MDGA2: variants seen among roughly 807,000 people sequenced by gnomAD.
MDGA2 encodes MAM domain-containing glycosylphosphatidylinositol anchor protein 2.
A neutral mutation model predicts 117.8 loss-of-function variants in MDGA2; 40 were observed. The ratio of observed to expected loss-of-function variants is 0.34; its 90% CI spans 0.26 to 0.44. MDGA2 has a LOEUF of 0.44. Among genes scored for constraint, MDGA2 ranks in the 20% least tolerant of loss-of-function variants. MDGA2 has a pLI of 1.00. For synonymous variants in MDGA2, 452 were observed against 439.0 expected (o/e 1.03, Z -0.37); for missense variants, 1,123 against 1,250.6 (o/e 0.90, Z 1.54).
chr14:47,465,049 A>C (rs1387558436), intron 1 of MDGA2, among the ~76,000 whole-genome samples: 1 of 152,174 alleles, frequency 6.6e-6, no homozygotes, highest in Non-Finnish European at 1.5e-5. Flanking sequence ...ATAAGTCCAC[A>C]CACTTAGAAC....
In MDGA2 at chr14:47,150,330, T is replaced by C. The variant is rs1883113177; in HGVS notation, c.596-6056A>G. Among the ~76,000 whole-genome samples, 4 of 152,324 alleles carry C rather than the reference T, an allele frequency of 2.6e-5. No homozygotes were observed. In the South Asian group the frequency reaches 8.3e-4, roughly 32 times the overall value. ...ACTTTTAAATAAGTCCTAAGCCTTATTATCTGCTTTTATGACCTTTGACTG... is the reference window on the plus strand; with the variant it reads ...ACTTTTAAATAAGTCCTAAGCCTTACTATCTGCTTTTATGACCTTTGACTG... On this transcript the variant is annotated intron_variant, in intron 3 of 16. Transcript: ENST00000399232.
At chr14:47,572,670 C>A (rs944946509) in intron 1 of MDGA2, among the ~76,000 whole-genome samples, 3 of 152,108 alleles carry the variant, frequency 2.0e-5, no homozygotes, top group African/African-American at 7.2e-5. Context: ...AACTCTCTAC[C>A]TCCAATGGTA....
chr14:47,301,485 C>T lies in MDGA2; in HGVS notation c.346G>A (p.Glu116Lys), dbSNP rs1446101793. ...ACNIEEERYS[E>K]RVYTIREGET... ...CCTTCCCGGATAGTGTAGACCCTTTCGGAGTAGCGCTCCTCTTCAATGTTA... is the reference window on the plus strand; with the variant it reads ...CCTTCCCGGATAGTGTAGACCCTTTTGGAGTAGCGCTCCTCTTCAATGTTA... The change falls in exon 2 of 17, where the codon GAA (glutamate) becomes AAA (lysine). Residue 116 changes from glutamate (E) to lysine (K), a missense_variant. Around this residue, in one of 2 missense-constraint regions of MDGA2, gnomAD observed 233 missense variants for 200.3 expected, o/e 1.16. Coordinates refer to ENST00000399232, the MANE Select transcript of MDGA2 (RefSeq NM_001113498.3). 3.2e-6 allele frequency: 5 copies of T among 1,551,554 alleles called. No homozygotes were observed. The highest frequency in any genetic ancestry group is 1.2e-5 in the South Asian group (1 of 84,066).
intron 6 of MDGA2, among the ~76,000 whole-genome samples, chr14:47,066,713 T>C (rs1030105890): frequency 5.1e-5 from 6 of 118,046 alleles, no homozygotes; most frequent in African/African-American, 2.1e-4. Context: ...TGATAATCAG[T>C]TGATAATCTG....
intron 1 of MDGA2, among the ~76,000 whole-genome samples, chr14:47,508,844 T>A (rs1894577104): frequency 6.6e-6 from 1 of 150,728 alleles, no homozygotes; most frequent in Admixed American, 6.6e-5. Context: ...TATGCCCGGC[T>A]AATTTTTAAA....
intron 1 of MDGA2, among the ~76,000 whole-genome samples, chr14:47,414,575 G>C (rs989285706): frequency 6.6e-6 from 1 of 152,120 alleles, no homozygotes. Context: ...TGATTAATTA[G>C]TTTAAGTAAA....
intron 1 of MDGA2, among the ~76,000 whole-genome samples, chr14:47,434,608 TAA>T (rs1892861672): frequency 6.6e-6 from 1 of 152,136 alleles, no homozygotes; most frequent in Non-Finnish European, 1.5e-5. Flanking sequence ...ATTTTACAGA[TAA>T]TGATAAGATA....
chr14:47,055,038 T>C (rs1594572642), intron 7 of MDGA2, among the ~76,000 whole-genome samples: 2 of 148,256 alleles, frequency 1.3e-5, no homozygotes, highest in East Asian at 4.0e-4. Flanking sequence ...TCTCACTCTG[T>C]CACCCAGGCA....
At chr14:47,075,348 C>G (rs567828842) in intron 6 of MDGA2, among the ~76,000 whole-genome samples, 1 of 152,282 alleles carries the variant, frequency 6.6e-6, no homozygotes, top group East Asian at 1.9e-4. Context: ...AGTAAGTTGT[C>G]ACAGCACTTA....
At chr14:47,135,842 T>A (rs112236332) in intron 4 of MDGA2, among the ~76,000 whole-genome samples, 19 of 152,292 alleles carry the variant, frequency 1.2e-4, no homozygotes, top group African/African-American at 4.6e-4. Context: ...CATTCCTTGC[T>A]ATGAGTCATT....
chr14:47,356,791 C>T (rs531124605), intron 1 of MDGA2, among the ~76,000 whole-genome samples: 1 of 152,096 alleles, frequency 6.6e-6, no homozygotes, highest in Non-Finnish European at 1.5e-5. Context: ...ACCCTCCTTG[C>T]CTTTGACCTC....
chr14:47,630,140 C>T (rs1897229285), intron 1 of MDGA2, among the ~76,000 whole-genome samples: 1 of 151,288 alleles, frequency 6.6e-6, no homozygotes, highest in Non-Finnish European at 1.5e-5. Context: ...CAAACACACA[C>T]ACAGCATAAG....
intron 1 of MDGA2, among the ~76,000 whole-genome samples, chr14:47,376,618 A>G (rs971980179): frequency 1.3e-5 from 2 of 152,050 alleles, no homozygotes; most frequent in Non-Finnish European, 2.9e-5. Flanking sequence ...ATTTTCTTCA[A>G]CCCCTTTGAT....
At chr14:47,642,936 T>A (rs1251145570) in intron 1 of MDGA2, among the ~76,000 whole-genome samples, 2 of 152,066 alleles carry the variant, frequency 1.3e-5, no homozygotes, top group African/African-American at 4.8e-5. Context: ...GACTTGGGCT[T>A]AATGTGTCTT....
Position 46,979,534 on chromosome 14 carries a change from A to AT in MDGA2, c.1820-21892dup, listed in dbSNP as rs1458173611. ...ACTTGTGAAAGCAAAGAAAAAGTTC[A>AT]TGAAGAAAATTAAAAGTGCTACTCC... is the stretch of plus-strand genomic sequence containing the variant. On this transcript the variant is annotated intron_variant, in intron 8 of 16. Transcript: ENST00000399232. Among the ~76,000 whole-genome samples, 11 of 152,314 alleles carry AT rather than the reference A, an allele frequency of 7.2e-5. No homozygotes were observed. In the East Asian group the frequency reaches 1.5e-3, roughly 21 times the overall value.
intron 2 of MDGA2, among the ~76,000 whole-genome samples, chr14:47,220,882 G>A (rs1886273528): frequency 1.3e-5 from 2 of 152,122 alleles, no homozygotes; most frequent in Non-Finnish European, 2.9e-5. Context: ...TCATTTGTGT[G>A]AAATAAAAAT....
intron 14 of MDGA2, among the ~76,000 whole-genome samples, chr14:46,863,049 G>A (rs1881575830): frequency 1.3e-5 from 2 of 151,802 alleles, no homozygotes; most frequent in Admixed American, 6.6e-5. Context: ...GATCCCTTAC[G>A]CTGACCTTTT....
At chr14:47,261,510 G>A (rs1887795201) in intron 2 of MDGA2, among the ~76,000 whole-genome samples, 1 of 152,114 alleles carries the variant, frequency 6.6e-6, no homozygotes, top group African/African-American at 2.4e-5. Context: ...ATCATAAGAT[G>A]TTAAAGCAGA....
chr14:47,642,330 C>A (rs1897442668), intron 1 of MDGA2, among the ~76,000 whole-genome samples: 1 of 152,058 alleles, frequency 6.6e-6, no homozygotes, highest in African/African-American at 2.4e-5. Flanking sequence ...ATATATAAAT[C>A]AGCAGTACAT....
Sources: gnomAD v4.1 joint callset for allele counts (sites outside exome capture counted in the v4.1 genomes callset) on GRCh38, gnomAD v4.1.1 for gene constraint, gnomAD v4.1.1 regional missense constraint, MANE v1.5 for transcripts, NCBI Gene and HGNC (gene_info 2026-07-23, HGNC 2026-07-21) for gene names.